RPAP1: variants seen among roughly 807,000 people sequenced by gnomAD.
RPAP1 encodes RNA polymerase II-associated protein 1.
A neutral mutation model predicts 142.4 loss-of-function variants in RPAP1; 109 were observed. The observed-to-expected ratio is 0.77, with a 90% CI of 0.66 to 0.90. The LOEUF (loss-of-function observed/expected upper bound fraction) is 0.90, where lower values mean the gene tolerates loss of function less well. Among genes scored for constraint, RPAP1 ranks in the 40% least tolerant of loss-of-function variants. RPAP1 has a pLI of 0.00. For missense variants in RPAP1, 1,546 were observed against 1,751.7 expected, an observed-to-expected ratio of 0.88 and a Z score of 2.10; for synonymous variants, 704 against 738.9, an observed-to-expected ratio of 0.95 and a Z score of 0.77.
At chr15:41,540,529 G>A (rs1439434028) in intron 1 of RPAP1, among the ~76,000 whole-genome samples, 5 of 152,152 alleles carry the variant, frequency 3.3e-5, no homozygotes, top group East Asian at 3.9e-4. Context: ...TCGAACTCCC[G>A]ACCTCAGGTG....
chr15:41,520,841 G>GT lies in RPAP1; in HGVS notation c.3344dup (p.Asp1115GlufsTer54). Reference sequence around the variant, plus strand: ...CTGTGGGAGAGAGTCCCGAGGGGGTGTCTGAAGCCCGGTGGTAGAGGCGAA... The same window carrying GT: ...CTGTGGGAGAGAGTCCCGAGGGGGTGTTCTGAAGCCCGGTGGTAGAGGCGAA... On this transcript the variant is annotated frameshift_variant, in exon 22 of 25. Coordinates refer to ENST00000304330, the MANE Select transcript of RPAP1 (RefSeq NM_015540.4). LOFTEE classifies it high-confidence loss of function. 1 of 1,613,922 alleles carries GT rather than the reference G, an allele frequency of 6.2e-7. No homozygotes were observed. The highest frequency in any genetic ancestry group is 8.5e-7 in the Non-Finnish European group (1 of 1,180,034).
At chr15:41,538,433 G>A (rs2051936124) in intron 1 of RPAP1, among the ~76,000 whole-genome samples, 1 of 152,038 alleles carries the variant, frequency 6.6e-6, no homozygotes, top group African/African-American at 2.4e-5. Flanking sequence ...CTCAAGTTAG[G>A]CACTCAAGCT....
chr15:41,537,174 C>T lies in RPAP1; in HGVS notation c.-49G>A. 1 of 1,566,974 alleles carries T rather than the reference C, an allele frequency of 6.4e-7. No individual in the cohort carries two copies. The highest frequency in any genetic ancestry group is 8.7e-7 in the Non-Finnish European group (1 of 1,151,470). On this transcript the variant is annotated 5_prime_UTR_variant, in exon 2 of 25. Coordinates refer to ENST00000304330, the MANE Select transcript of RPAP1 (RefSeq NM_015540.4). ...AGTACGACTCTCTCCAGCAGTGTCT[C>T]CGTGTGGGGGTTCCCTCTTATTCAT...
At chr15:41,528,130 A>T (rs1182047523) in intron 10 of RPAP1, 103 bp from the exon 11 acceptor site, 24 of 1,523,184 alleles carry the variant, frequency 1.6e-5, no homozygotes, top group South Asian at 1.2e-4. Context: ...TGTTAAAAGC[A>T]CATAGCTGGC....
In RPAP1 at chr15:41,520,368, G is replaced by T. The variant is rs758455947; in HGVS notation, c.3795+23C>A. The T allele has an allele frequency of 3.7e-6, 6 of 1,612,668 alleles. No individual in the cohort carries two copies. The Middle Eastern group carries it at 5.0e-4, about 133-fold the overall frequency. On this transcript the variant is annotated intron_variant, in intron 22 of 24. Transcript: ENST00000304330. Reference sequence around the variant, plus strand: ...GGCCCAGTGCAGGGTACCCTTGCAGGTCCTGCTGGGCTGAGAAAGTACCTG... The same window carrying T: ...GGCCCAGTGCAGGGTACCCTTGCAGTTCCTGCTGGGCTGAGAAAGTACCTG...
intron 17 of RPAP1, 60 bp from the exon 18 acceptor site, chr15:41,523,414 T>C (rs2051752288): frequency 8.8e-7 from 1 of 1,136,646 alleles, no homozygotes; most frequent in African/African-American, 1.5e-5. Context: ...CTAGACCCTG[T>C]GTACCCAGGC....
chr15:41,518,107 G>C lies in RPAP1; in HGVS notation c.3871C>G (p.Leu1291Val). Residue 1291 changes from leucine (L) to valine (V), a missense_variant, in exon 23 of 25, where the codon CTG (leucine) becomes GTG (valine). Physicochemically the swap from Leu to Val is conservative, Grantham distance 32. Coordinates refer to ENST00000304330, the MANE Select transcript of RPAP1 (RefSeq NM_015540.4). Reference sequence around the variant, plus strand: ...CGTGGGCGGAGCGCACCAGTAACCAGGGTCCGGAAGTAGAGCTGAAGGAGG... The same window carrying C: ...CGTGGGCGGAGCGCACCAGTAACCACGGTCCGGAAGTAGAGCTGAAGGAGG... The part of the protein sequence containing the change: ...LALLQLYFRT[L>V]VTGALRPRWC... 6.2e-7 allele frequency: 1 copy of C among 1,606,274 alleles called. No homozygotes were observed. Among genetic ancestry groups the C allele is most frequent in the Non-Finnish European group, 8.5e-7 (1 of 1,177,924 alleles).
chr15:41,532,305 C>A (rs1818162839), intron 6 of RPAP1, among the ~76,000 whole-genome samples: 1 of 152,092 alleles, frequency 6.6e-6, no homozygotes, highest in African/African-American at 2.4e-5. Context: ...CAGGCGTGAG[C>A]CTCCACACCT....
chr15:41,530,116 T>G, intron 7 of RPAP1, 137 bp from the exon 8 acceptor site: 1 of 689,540 alleles, frequency 1.5e-6, no homozygotes, highest in Non-Finnish European at 2.6e-6. Flanking sequence ...TATGGCTAAA[T>G]GGCATGGCCC....
chr15:41,536,412 C>G (rs1342424968), intron 3 of RPAP1, 89 bp downstream of exon 3: 8 of 1,527,642 alleles, frequency 5.2e-6, no homozygotes, highest in African/African-American at 1.4e-5. Context: ...TCTGAAGCAC[C>G]CTCCACTGAT....
chr15:41,520,551 G>A lies in RPAP1; in HGVS notation c.3635C>T (p.Ala1212Val). Reference protein sequence around the residue: ...PGLTSFPDLYANFLDHFEAVS... With the variant: ...PGLTSFPDLYVNFLDHFEAVS... ...AGCCTCAAAATGATCCAGGAAGTTGGCATAGAGGTCAGGGAAAGACGTCAG... is the reference window on the plus strand; with the variant it reads ...AGCCTCAAAATGATCCAGGAAGTTGACATAGAGGTCAGGGAAAGACGTCAG... The change falls in exon 22 of 25, where the codon GCC (alanine) becomes GTC (valine). Residue 1212 changes from alanine (A) to valine (V), a missense_variant. Physicochemically the swap from Ala to Val is moderately conservative, Grantham distance 64. Transcript: ENST00000304330. 1 of 1,614,228 alleles carries A rather than the reference G, an allele frequency of 6.2e-7. No homozygotes were observed. Among genetic ancestry groups the A allele is most frequent in the Non-Finnish European group, 8.5e-7 (1 of 1,180,048 alleles).
In RPAP1 at chr15:41,523,340, C is replaced by G. The variant is rs758764033; in HGVS notation, c.2451G>C (p.Pro817=). ...GCTGCATGTCCTGGAGCCAATCCTC[C>G]GGGCATGAGCTTGGCTGGTGGACCA... ...QAWSQQPSSC[P]EDWLQDMQRL... The change falls in exon 18 of 25, where the codon CCG becomes CCC. Residue 817 remains proline, a synonymous_variant. Transcript: ENST00000304330. 1.1e-5 allele frequency: 18 copies of G among 1,603,596 alleles called. No individual in the cohort carries two copies. The highest frequency in any genetic ancestry group is 1.4e-5 in the Non-Finnish European group (17 of 1,174,810).
Position 41,531,054 on chromosome 15 carries a change from C to G in RPAP1, c.912G>C (p.Arg304Ser). 6.2e-7 allele frequency: 1 copy of G among 1,613,760 alleles called. No individual in the cohort carries two copies. Among genetic ancestry groups the G allele is most frequent in the Non-Finnish European group, 8.5e-7 (1 of 1,179,734 alleles). ...PLMSAFASEP[R>S]KRDKLEPEAP... Reference sequence around the variant, plus strand: ...CTTCTGGCTCCAGCTTGTCTCTCTTCCTGGGCTCACTGGCAAAAGCTGACA... The same window carrying G: ...CTTCTGGCTCCAGCTTGTCTCTCTTGCTGGGCTCACTGGCAAAAGCTGACA... Residue 304 changes from arginine (R) to serine (S), a missense_variant, in exon 7 of 25, where the codon AGG becomes AGC. Arg to Ser is a moderately radical substitution (Grantham distance 110). Around this residue, in one of 3 missense-constraint regions of RPAP1, gnomAD observed 1,333 missense variants for 1,486.6 expected, o/e 0.90. Transcript: ENST00000304330.
chr15:41,528,240 T>C lies in RPAP1; in HGVS notation c.1255A>G (p.Ser419Gly). 1 of 1,605,836 alleles carries C rather than the reference T, an allele frequency of 6.2e-7. No individual in the cohort carries two copies. The highest frequency in any genetic ancestry group is 8.5e-7 in the Non-Finnish European group (1 of 1,175,878). ...LALHVLAQVI[S>G]RAQAGEFGDR... ...CAGGCTGGCAATCCACTCACCCTGC[T>C]GATGACCTGGGCTAACACATGCAGT... Residue 419 changes from serine to glycine, a missense_variant, in exon 10 of 25, where the codon AGC (serine) becomes GGC (glycine). Physicochemically the swap from Ser to Gly is moderately conservative, Grantham distance 56. Around this residue, in one of 3 missense-constraint regions of RPAP1, gnomAD observed 1,333 missense variants for 1,486.6 expected, o/e 0.90. Coordinates refer to ENST00000304330, the MANE Select transcript of RPAP1 (RefSeq NM_015540.4).
Position 41,522,966 on chromosome 15 carries a change from G to A in RPAP1, c.2547-6C>T. On this transcript the variant is annotated splice_region_variant and splice_polypyrimidine_tract_variant and intron_variant, in intron 18 of 24. Transcript: ENST00000304330. ...TGCAGAGAAGGGAGCAGTGCCTGTAGGTGAAGTGGAGAGTCTGAGGGGGAC... is the reference window on the plus strand; with the variant it reads ...TGCAGAGAAGGGAGCAGTGCCTGTAAGTGAAGTGGAGAGTCTGAGGGGGAC... The A allele has an allele frequency of 3.3e-6, 5 of 1,521,974 alleles. No individual in the cohort carries two copies. Among genetic ancestry groups the A allele is most frequent in the Non-Finnish European group, 4.4e-6 (5 of 1,143,748 alleles). The allele number at this position is 1,521,974 out of a possible 1,614,324, so 94.3% of individuals were successfully genotyped here. A position where few individuals can be genotyped will look rare whatever the true frequency, so the allele number is the denominator to read the frequency against.
intron 6 of RPAP1, 118 bp from the exon 7 acceptor site, chr15:41,531,320 C>T (rs1208626162): frequency 9.7e-7 from 1 of 1,030,166 alleles, no homozygotes; most frequent in Non-Finnish European, 1.4e-6. Context: ...CAAGCTGCTT[C>T]CGAGCCTGGG....
chr15:41,531,615 ATATATATATATATTTTTTTTT>A (rs1374137830), intron 6 of RPAP1, among the ~76,000 whole-genome samples: 28 of 24,920 alleles, frequency 1.1e-3, no homozygotes, highest in African/African-American at 6.1e-3. Context: ...ATATATATAT[ATATATATATATATTTTTTTTT>A]TTTTTTTTTT....
At position 41,522,785 on chromosome 15, in the gene RPAP1, G is replaced by A; in HGVS notation, c.2722C>T (p.His908Tyr). The A allele has an allele frequency of 2.6e-6, 4 of 1,565,434 alleles. No individual in the cohort carries two copies. Among genetic ancestry groups the A allele is most frequent in the Non-Finnish European group, 3.4e-6 (4 of 1,164,330 alleles). Residue 908 changes from histidine to tyrosine, a missense_variant, in exon 19 of 25, where the codon CAC becomes TAC. His to Tyr is a moderately conservative substitution (Grantham distance 83). Coordinates refer to ENST00000304330, the MANE Select transcript of RPAP1 (RefSeq NM_015540.4). ...CTTACCTGGCCACACAGCCCCTTGT[G>A]GATCTGGGCCAGGGTATTAAGAAGA... ...LSLLNTLAQI[H>Y]KGLCGQLAAI...
rs2140751806 is a variant in RPAP1, at chr15:41,517,424, C to T, written c.*118G>A. 2 of 985,054 alleles carry T rather than the reference C, an allele frequency of 2.0e-6. No homozygotes were observed. The highest frequency in any genetic ancestry group is 1.5e-6 in the Non-Finnish European group (1 of 671,082). 61.0% of individuals were successfully genotyped at this position (985,054 alleles called of 1,614,324 possible). ...ACAACCTGCTCCCAGGAAGGCAAGC[C>T]TTCTGCTCCTTGGTCTCCTGCCTAC... On this transcript the variant is annotated 3_prime_UTR_variant, in exon 25 of 25. Transcript: ENST00000304330.
Sources: allele counts gnomAD v4.1 joint callset (sites outside exome capture counted in the v4.1 genomes callset), GRCh38; gene constraint gnomAD v4.1.1; regional missense constraint gnomAD v4.1.1; transcripts MANE v1.5; gene names NCBI Gene and HGNC (gene_info 2026-07-23, HGNC 2026-07-21).